HCN1: variants seen among roughly 807,000 people sequenced by gnomAD.
HCN1 encodes the protein potassium/sodium hyperpolarization-activated cyclic nucleotide-gated channel 1.
A neutral mutation model predicts 78.9 loss-of-function variants in HCN1; 13 were observed. That is an observed-to-expected ratio of 0.16 (90% CI 0.11 to 0.26). The LOEUF is 0.26. Ranked by LOEUF, HCN1 falls within the 10% of genes least tolerant of loss-of-function variation. The pLI is 1.00. For synonymous variants in HCN1, 552 were observed against 455.5 expected, an observed-to-expected ratio of 1.21 and a Z score of -2.70; for missense variants, 810 against 1,154.3, an observed-to-expected ratio of 0.70 and a Z score of 4.32.
chr5:45,461,871 C>A lies in HCN1; in HGVS notation c.986G>T (p.Cys329Phe), dbSNP rs1318391259. ...AACCATTTCATTTAAAGACACCCAG[C>A]AATCTGGTGGGAAGTCCTGCAGTAG... ...VPLLQDFPPD[C>F]WVSLNEMVND... Residue 329 changes from cysteine to phenylalanine, a missense_variant, in exon 3 of 8, where the codon TGC becomes TTC. Coordinates refer to ENST00000303230, the MANE Select transcript of HCN1 (RefSeq NM_021072.4). The A allele has an allele frequency of 6.2e-7, 1 of 1,613,324 alleles. No homozygotes were observed. Among genetic ancestry groups the A allele is most frequent in the Non-Finnish European group, 8.5e-7 (1 of 1,179,620 alleles).
At chr5:45,316,578 A>G (rs900046855) in intron 5 of HCN1, among the ~76,000 whole-genome samples, 2 of 152,166 alleles carry the variant, frequency 1.3e-5, no homozygotes, top group Non-Finnish European at 2.9e-5. Context: ...ATCAGGCAGG[A>G]GAAAGAAATA....
intron 2 of HCN1, among the ~76,000 whole-genome samples, chr5:45,482,436 A>G (rs534224098): frequency 2.9e-4 from 44 of 152,220 alleles, no homozygotes; most frequent in African/African-American, 1.0e-3. Flanking sequence ...AACATCCTGG[A>G]GTTGTCACAG....
chr5:45,509,740 A>AT (rs974608843), intron 2 of HCN1, among the ~76,000 whole-genome samples: 8 of 152,108 alleles, frequency 5.3e-5, no homozygotes, highest in South Asian at 4.2e-4. Flanking sequence ...TTTTCAAGGA[A>AT]TTTTTTTTCA....
intron 2 of HCN1, among the ~76,000 whole-genome samples, chr5:45,632,299 G>GTGTGTC (rs1177908185): frequency 2.6e-5 from 4 of 151,848 alleles, no homozygotes; most frequent in Non-Finnish European, 5.9e-5. Flanking sequence ...GTGTGTGTGT[G>GTGTGTC]TGTGTCTGTT....
At chr5:45,451,354 G>T (rs1445656881) in intron 3 of HCN1, among the ~76,000 whole-genome samples, 2 of 152,072 alleles carry the variant, frequency 1.3e-5, no homozygotes, top group African/African-American at 4.8e-5. Context: ...TAACACTGAT[G>T]AATGTAAGGG....
At chr5:45,312,168 G>A (rs188994097) in intron 5 of HCN1, among the ~76,000 whole-genome samples, 3 of 152,296 alleles carry the variant, frequency 2.0e-5, no homozygotes, top group African/African-American at 7.2e-5. Context: ...CTTGGGTGAA[G>A]ATTTTTCTTA....
At chr5:45,382,832 C>T (rs1195506312) in intron 4 of HCN1, among the ~76,000 whole-genome samples, 1 of 151,940 alleles carries the variant, frequency 6.6e-6, no homozygotes, top group African/African-American at 2.4e-5. Context: ...ATGAATACAC[C>T]CAATTCTTCA....
Position 45,396,581 on chromosome 5 carries a change from C to T in HCN1, c.1141G>A (p.Val381Ile), listed in dbSNP as rs750838439. The T allele has an allele frequency of 1.9e-6, 3 of 1,613,748 alleles. No individual in the cohort carries two copies. Among genetic ancestry groups the T allele is most frequent in the Admixed American group, 3.3e-5 (2 of 59,954 alleles). ...AACATGGCATAGCAGGTGGCCCCGACGATCATGCTCAGCATGGTAATCCAG... is the reference window on the plus strand; with the variant it reads ...AACATGGCATAGCAGGTGGCCCCGATGATCATGCTCAGCATGGTAATCCAG... ...DLWITMLSMI[V>I]GATCYAMFVG... Residue 381 changes from valine to isoleucine, a missense_variant, in exon 4 of 8, where the codon GTC (valine) becomes ATC (isoleucine). Val to Ile is a conservative substitution (Grantham distance 29). Coordinates refer to ENST00000303230, the MANE Select transcript of HCN1 (RefSeq NM_021072.4).
At chr5:45,635,941 A>G (rs1323100076) in intron 2 of HCN1, among the ~76,000 whole-genome samples, 1 of 152,208 alleles carries the variant, frequency 6.6e-6, no homozygotes, top group Admixed American at 6.6e-5. Flanking sequence ...CAAATTTTAA[A>G]TTAGTAAAAA....
intron 3 of HCN1, among the ~76,000 whole-genome samples, chr5:45,400,325 A>G (rs1316073623): frequency 3.9e-5 from 6 of 151,962 alleles, no homozygotes; most frequent in African/African-American, 1.5e-4. Context: ...TTATTTCACT[A>G]GAGACACAAA....
intron 1 of HCN1, among the ~76,000 whole-genome samples, chr5:45,648,802 T>C (rs1024148657): frequency 4.6e-5 from 7 of 151,870 alleles, no homozygotes; most frequent in African/African-American, 1.7e-4. Flanking sequence ...CTTATTTCTC[T>C]GGTCTGGGCA....
chr5:45,336,758 AC>A (rs1290122754), intron 5 of HCN1, among the ~76,000 whole-genome samples: 1 of 152,024 alleles, frequency 6.6e-6, no homozygotes, highest in Non-Finnish European at 1.5e-5. Context: ...GTGCTGGCAG[AC>A]TTTGTCTAGT....
At chr5:45,670,956 A>G (rs1052270817) in intron 1 of HCN1, among the ~76,000 whole-genome samples, 1 of 151,758 alleles carries the variant, frequency 6.6e-6, no homozygotes, top group Non-Finnish European at 1.5e-5. Flanking sequence ...ATACATATGA[A>G]TAACAGAAAA....
rs548820053 is a variant in HCN1 at position 45,489,458 on chromosome 5, A to T, written c.850-27451T>A. Among the ~76,000 whole-genome samples, 186 of 152,306 alleles carry T rather than the reference A, an allele frequency of 1.2e-3. 1 individual carries two copies. The highest frequency in any genetic ancestry group is 4.4e-3 in the African/African-American group (181 of 41,590). On this transcript the variant is annotated intron_variant, in intron 2 of 7. Transcript: ENST00000303230. ...GAATAAAAGTGTTTTTCTGTTAATA[A>T]GAAGCTTGAAAAGTACACAAGAACC...
intron 6 of HCN1, among the ~76,000 whole-genome samples, chr5:45,272,011 TC>T (rs1744970168): frequency 6.6e-6 from 1 of 152,096 alleles, no homozygotes; most frequent in Non-Finnish European, 1.5e-5. Context: ...AATAATCTCT[TC>T]TTTTAAAGCC....
intron 7 of HCN1, among the ~76,000 whole-genome samples, chr5:45,265,508 T>C (rs1744837979): frequency 6.6e-6 from 1 of 152,232 alleles, no homozygotes; most frequent in Non-Finnish European, 1.5e-5. Flanking sequence ...ACGTTTGTTA[T>C]ATCTAATGAT....
intron 2 of HCN1, among the ~76,000 whole-genome samples, chr5:45,551,693 C>T (rs1488097962): frequency 6.6e-6 from 1 of 151,824 alleles, no homozygotes; most frequent in Non-Finnish European, 1.5e-5. Flanking sequence ...ATACCTGTTT[C>T]CAACAATTAT....
chr5:45,311,020 G>C (rs1016431214), intron 5 of HCN1, among the ~76,000 whole-genome samples: 1 of 152,092 alleles, frequency 6.6e-6, no homozygotes, highest in Non-Finnish European at 1.5e-5. Flanking sequence ...TCGGAGGGTG[G>C]AAGGAGGGAT....
intron 3 of HCN1, among the ~76,000 whole-genome samples, chr5:45,443,561 T>C (rs1051624866): frequency 1.3e-5 from 2 of 152,090 alleles, no homozygotes; most frequent in Admixed American, 6.5e-5. Context: ...TCTATATAGA[T>C]AAGCATTTTT....
Sources: gnomAD v4.1 joint callset for allele counts (sites outside exome capture counted in the v4.1 genomes callset) on GRCh38, gnomAD v4.1.1 for gene constraint, MANE v1.5 for transcripts, NCBI Gene and HGNC (gene_info 2026-07-23, HGNC 2026-07-21) for gene names.